Variants in FMN2 observed in about 807,000 individuals in gnomAD.
The protein encoded by FMN2 is formin 2, also known as formin-2.
In FMN2, 51 loss-of-function variants were observed where a neutral mutation model predicts 142.3. That is an observed-to-expected ratio of 0.36 (90% CI 0.29 to 0.45). The LOEUF is 0.45. FMN2 is among the 20% of genes least tolerant of loss of function. The pLI is 1.00. For missense variants in FMN2, 1,936 were observed against 2,122.8 expected (o/e 0.91, Z 1.73); for synonymous variants, 882 against 869.8 (o/e 1.01, Z -0.25).
intron 6 of FMN2, among the ~76,000 whole-genome samples, chr1:240,252,438 C>G: frequency 6.6e-6 from 1 of 152,026 alleles, no homozygotes; most frequent in East Asian, 1.9e-4. Flanking sequence ...TTATTGTAGG[C>G]CCAGTCTTTT....
rs16840109 is a variant in FMN2, at chr1:240,461,122, G to A, written c.5061-11250G>A. Among the ~76,000 whole-genome samples the A allele has an allele frequency of 9.3e-3, 1,417 of 152,176 alleles. 26 individuals carry two copies. The highest frequency in any genetic ancestry group is 0.032 in the African/African-American group (1,324 of 41,506). On this transcript the variant is annotated intron_variant, in intron 16 of 17. Coordinates refer to ENST00000319653, the MANE Select transcript of FMN2 (RefSeq NM_020066.5). ...CTTCCTTCTTGCATCCTGTATTCCC[G>A]CTTTTTATCCTTCCTATGTGTGTGC...
At chr1:240,374,330 G>T (rs145524168) in intron 14 of FMN2, among the ~76,000 whole-genome samples, 2 of 152,318 alleles carry the variant, frequency 1.3e-5, no homozygotes, top group East Asian at 1.9e-4. Flanking sequence ...AAGAAATTCA[G>T]CCTGTCCTTT....
At position 240,142,817 on chromosome 1, in the gene FMN2, A is replaced by T. The variant is rs12069275; in HGVS notation, c.1782+19472A>T. On this transcript the variant is annotated intron_variant, in intron 2 of 17. Coordinates refer to ENST00000319653, the MANE Select transcript of FMN2 (RefSeq NM_020066.5). ...GTGTCTGGAACCCTGTGATGGTCTT[A>T]GGCTTGCCAGCCTGGCCCACCACAT... 11,095 of 1,585,984 alleles carry T rather than the reference A, an allele frequency of 7.0e-3. 622 individuals carry two copies. In the African/African-American group the frequency reaches 0.13, roughly 18 times the overall value.
intron 2 of FMN2, among the ~76,000 whole-genome samples, chr1:240,164,822 T>A (rs1664412855): frequency 6.6e-6 from 1 of 152,218 alleles, no homozygotes; most frequent in African/African-American, 2.4e-5. Flanking sequence ...AAATCAGTAG[T>A]AGTTTGATAC....
intron 2 of FMN2, among the ~76,000 whole-genome samples, chr1:240,148,399 CAGAG>C (rs34801194): frequency 1.3e-4 from 19 of 147,588 alleles, no homozygotes; most frequent in East Asian, 1.2e-3. Flanking sequence ...GAGAGAAAGA[CAGAG>C]AGACAGAGAC....
At position 240,208,391 on chromosome 1, in the gene FMN2, G is replaced by A. The variant is rs1241306889; in HGVS notation, c.3579G>A (p.Val1193=). The A allele has an allele frequency of 6.3e-7, 1 of 1,581,734 alleles. No homozygotes were observed. The highest frequency in any genetic ancestry group is 1.4e-5 in the African/African-American group (1 of 69,672). The change falls in exon 5 of 18, where the codon GTG becomes GTA. Residue 1193 remains valine, a synonymous_variant. Transcript: ENST00000319653. ...CTCCTCCGCCCCCTCTACCTGGAGT[G>A]GGAATACCTCCTCCGCCCCCTCTAC... ...GIPPPPPLPG[V]GIPPPPPLPG...
At chr1:240,183,211 C>T (rs1168735334) in intron 3 of FMN2, among the ~76,000 whole-genome samples, 1 of 151,742 alleles carries the variant, frequency 6.6e-6, no homozygotes, top group Admixed American at 6.6e-5. Flanking sequence ...GCCACCATGC[C>T]TGGTCCATTT....
chr1:240,210,296 C>T (rs1666641126), intron 5 of FMN2, among the ~76,000 whole-genome samples: 4 of 152,180 alleles, frequency 2.6e-5, no homozygotes. Flanking sequence ...TCTAATGTTT[C>T]ATGATTCCTT....
chr1:240,145,451 A>G (rs1663406678), intron 2 of FMN2: 4 of 333,504 alleles, frequency 1.2e-5, no homozygotes, highest in Non-Finnish European at 2.1e-5. Context: ...TATAGGGGAA[A>G]AACTTTTTCT....
intron 6 of FMN2, chr1:240,245,544 A>G (rs1483022226): frequency 2.1e-6 from 1 of 471,514 alleles, no homozygotes; most frequent in Non-Finnish European, 4.4e-6. Context: ...GTTGTGAAAT[A>G]GAGCTCATTA....
chr1:240,191,929 T>C (rs1448788922), intron 4 of FMN2, among the ~76,000 whole-genome samples: 1 of 152,200 alleles, frequency 6.6e-6, no homozygotes, highest in African/African-American at 2.4e-5. Flanking sequence ...TTGAACATTA[T>C]AATATTTATC....
chr1:240,406,777 C>G, intron 15 of FMN2, among the ~76,000 whole-genome samples: 1 of 152,146 alleles, frequency 6.6e-6, no homozygotes, highest in East Asian at 1.9e-4. Context: ...CCAGCTCCCC[C>G]AGCCCGGTCT....
intron 14 of FMN2, among the ~76,000 whole-genome samples, chr1:240,384,718 A>G (rs1030131272): frequency 4.6e-5 from 7 of 152,170 alleles, no homozygotes; most frequent in Admixed American, 3.9e-4. Flanking sequence ...CTTTGGAGTC[A>G]GACTCCATGA....
chr1:240,173,631 G>A (rs1664798531), intron 2 of FMN2, among the ~76,000 whole-genome samples: 1 of 152,138 alleles, frequency 6.6e-6, no homozygotes, highest in Non-Finnish European at 1.5e-5. Flanking sequence ...ATATAGGAAC[G>A]TTGAAATGAT....
chr1:240,137,086 A>G (rs549449480), intron 2 of FMN2, among the ~76,000 whole-genome samples: 1,538 of 151,382 alleles, frequency 0.01, 36 homozygotes, highest in African/African-American at 0.036. Context: ...AAAAAAAAAA[A>G]AAAAAAAATT....
intron 6 of FMN2, among the ~76,000 whole-genome samples, chr1:240,246,795 T>G (rs1668097338): frequency 6.6e-6 from 1 of 152,202 alleles, no homozygotes; most frequent in South Asian, 2.1e-4. Context: ...AGAGAATTAT[T>G]AAGAGACGTG....
chr1:240,381,931 C>T (rs566710506), intron 14 of FMN2, among the ~76,000 whole-genome samples: 1 of 152,178 alleles, frequency 6.6e-6, no homozygotes, highest in Non-Finnish European at 1.5e-5. Context: ...GATGTCTACT[C>T]TCACCACTCC....
intron 15 of FMN2, among the ~76,000 whole-genome samples, chr1:240,399,492 G>A (rs756255923): frequency 1.6e-4 from 24 of 152,178 alleles, no homozygotes; most frequent in Admixed American, 6.5e-4. Flanking sequence ...GTCCTATTAC[G>A]TCTTATGGGA....
intron 2 of FMN2, chr1:240,144,541 T>C (rs1663348757): frequency 1.4e-6 from 2 of 1,446,374 alleles, no homozygotes; most frequent in Non-Finnish European, 1.9e-6. Context: ...TGAAGATGTC[T>C]TCTACCAGCT....
Sources: allele counts gnomAD v4.1 joint callset (sites outside exome capture counted in the v4.1 genomes callset), GRCh38; gene constraint gnomAD v4.1.1; transcripts MANE v1.5; gene names NCBI Gene and HGNC (gene_info 2026-07-23, HGNC 2026-07-21).